RBFOX1: variants seen among roughly 807,000 people sequenced by gnomAD.
RBFOX1 encodes RNA binding protein fox-1 homolog 1.
Under a neutral mutation model 57.7 loss-of-function variants are expected in RBFOX1, and 8 were observed. The observed-to-expected ratio is 0.14, with a 90% CI of 0.08 to 0.25. RBFOX1 has a LOEUF of 0.25. Among genes scored for constraint, RBFOX1 ranks in the 10% least tolerant of loss-of-function variants. The pLI is 1.00. For missense variants in RBFOX1, 611 were observed against 548.5 expected (o/e 1.11, Z -1.14); for synonymous variants, 326 against 222.4 (o/e 1.47, Z -4.15).
intron 1 of RBFOX1, among the ~76,000 whole-genome samples, chr16:6,142,146 T>G (rs2096721120): frequency 1.4e-5 from 2 of 147,016 alleles, no homozygotes; most frequent in Admixed American, 6.8e-5. Context: ...AAAAATCAGC[T>G]TTTCTATATA....
intron 4 of RBFOX1, among the ~76,000 whole-genome samples, chr16:7,506,443 G>C (rs1451787323): frequency 3.3e-5 from 5 of 152,088 alleles, no homozygotes; most frequent in Non-Finnish European, 5.9e-5. Flanking sequence ...ATGAGGTAAT[G>C]TAGGCAAAGC....
intron 1 of RBFOX1, among the ~76,000 whole-genome samples, chr16:6,166,616 A>C (rs1294517707): frequency 6.6e-6 from 1 of 152,130 alleles, no homozygotes; most frequent in East Asian, 1.9e-4. Context: ...TTTTCAGGAA[A>C]AGGAGAGACT....
chr16:7,114,013 C>T (rs1231169517), intron 4 of RBFOX1, among the ~76,000 whole-genome samples: 1 of 152,120 alleles, frequency 6.6e-6, no homozygotes, highest in Non-Finnish European at 1.5e-5. Context: ...ATTATTTGAT[C>T]AATAATGAAT....
At chr16:7,486,828 C>T (rs1201338491) in intron 4 of RBFOX1, among the ~76,000 whole-genome samples, 2 of 152,152 alleles carry the variant, frequency 1.3e-5, no homozygotes, top group African/African-American at 2.4e-5. Flanking sequence ...TTCCAGCATC[C>T]GTCACCTCCT....
intron 3 of RBFOX1, among the ~76,000 whole-genome samples, chr16:7,007,213 C>T (rs2093353995): frequency 6.6e-6 from 1 of 152,198 alleles, no homozygotes; most frequent in African/African-American, 2.4e-5. Context: ...TCTTTACTGG[C>T]TGGTAGCAGA....
At chr16:7,588,540 C>T (rs1290008737) in intron 7 of RBFOX1, among the ~76,000 whole-genome samples, 1 of 152,166 alleles carries the variant, frequency 6.6e-6, no homozygotes. Flanking sequence ...CTGCCAGTCC[C>T]CAGGCTATTA....
At chr16:6,568,099 G>A (rs1307749015) in intron 2 of RBFOX1, among the ~76,000 whole-genome samples, 1 of 152,164 alleles carries the variant, frequency 6.6e-6, no homozygotes. Flanking sequence ...AGCTTTACGG[G>A]TAATGACATG....
At chr16:6,197,278 T>C (rs2097185906) in intron 1 of RBFOX1, among the ~76,000 whole-genome samples, 1 of 152,154 alleles carries the variant, frequency 6.6e-6, no homozygotes, top group Non-Finnish European at 1.5e-5. Flanking sequence ...TTTTTCTTTT[T>C]TTTTCCAAGC....
intron 3 of RBFOX1, among the ~76,000 whole-genome samples, chr16:6,834,530 C>G (rs764963095): frequency 5.9e-5 from 7 of 119,318 alleles, no homozygotes; most frequent in East Asian, 2.8e-4. Flanking sequence ...ATGAATGAAT[C>G]AGTTAATTAA....
chr16:5,956,958 C>T (rs2059656100), intron 4 of RBFOX1, among the ~76,000 whole-genome samples: 2 of 151,934 alleles, frequency 1.3e-5, no homozygotes, highest in Admixed American at 1.3e-4. Flanking sequence ...GCCTGAGCCA[C>T]TGCGCCCAGC....
chr16:5,305,681 A>T (rs1188463398), intron 1 of RBFOX1, among the ~76,000 whole-genome samples: 1 of 152,166 alleles, frequency 6.6e-6, no homozygotes, highest in Non-Finnish European at 1.5e-5. Context: ...ATGCAGAAGC[A>T]AGGTGGCACA....
At chr16:6,714,831 C>A (rs536635042) in intron 3 of RBFOX1, among the ~76,000 whole-genome samples, 34 of 152,142 alleles carry the variant, frequency 2.2e-4, no homozygotes, top group African/African-American at 8.2e-4. Context: ...TGTGCTACAT[C>A]CATAAGAGGC....
At chr16:7,586,511 C>T (rs960944631) in intron 6 of RBFOX1, among the ~76,000 whole-genome samples, 1 of 152,086 alleles carries the variant, frequency 6.6e-6, no homozygotes, top group Admixed American at 6.6e-5. Flanking sequence ...ATAAGTATGT[C>T]CCAAATGTTG....
intron 3 of RBFOX1, among the ~76,000 whole-genome samples, chr16:5,812,566 C>A (rs540587310): frequency 2.0e-4 from 30 of 150,648 alleles, no homozygotes; most frequent in African/African-American, 7.1e-4. Flanking sequence ...TCAGGGGGAT[C>A]TTCTCCCCTT....
intron 4 of RBFOX1, among the ~76,000 whole-genome samples, chr16:7,095,286 C>A (rs934576966): frequency 6.6e-6 from 1 of 152,006 alleles, no homozygotes; most frequent in African/African-American, 2.4e-5. Flanking sequence ...TACAGGCTGT[C>A]ACCACTGTGC....
intron 9 of RBFOX1, among the ~76,000 whole-genome samples, chr16:7,599,638 C>CTTTTTTT (rs542898195): frequency 0.018 from 1,128 of 62,530 alleles, 258 homozygotes; most frequent in African/African-American, 0.034. Context: ...TTAATAAAGA[C>CTTTTTTT]TTTTTTTTTT....
At chr16:7,592,067 A>G (rs2094469995) in intron 7 of RBFOX1, among the ~76,000 whole-genome samples, 1 of 151,998 alleles carries the variant, frequency 6.6e-6, no homozygotes, top group African/African-American at 2.4e-5. Context: ...GGGAGGTAGA[A>G]TTGCCCAACG....
chr16:5,469,168 G>A (rs963730583), intron 2 of RBFOX1, among the ~76,000 whole-genome samples: 1 of 152,118 alleles, frequency 6.6e-6, no homozygotes, highest in African/African-American at 2.4e-5. Flanking sequence ...GTGGTGGAGG[G>A]GTTCTCTCAG....
intron 1 of RBFOX1, among the ~76,000 whole-genome samples, chr16:6,226,694 A>T (rs1416520102): frequency 6.6e-6 from 1 of 152,120 alleles, no homozygotes; most frequent in Admixed American, 6.6e-5. Flanking sequence ...TGAAGTTTAA[A>T]TGTTGATGTT....
Sources: gnomAD v4.1 joint callset for allele counts (sites outside exome capture counted in the v4.1 genomes callset) on GRCh38, gnomAD v4.1.1 for gene constraint, MANE v1.5 for transcripts, NCBI Gene and HGNC (gene_info 2026-07-23, HGNC 2026-07-21) for gene names.